ACSL6: variants seen among roughly 807,000 people sequenced by gnomAD.
ACSL6 encodes the protein acyl-CoA synthetase long chain family member 6, also known as long-chain-fatty-acid--CoA ligase 6.
ACSL6 carries 47 observed loss-of-function variants against 98.2 expected under a neutral mutation model. That is an observed-to-expected ratio of 0.48 (90% CI 0.38 to 0.61). ACSL6 has a LOEUF of 0.61. Among genes scored for constraint, ACSL6 ranks in the 20% least tolerant of loss-of-function variants. The probability of loss-of-function intolerance (pLI) is 0.00; values close to 1 mark genes in which losing one functional copy is unlikely to be tolerated. For missense variants in ACSL6, 761 were observed against 913.4 expected, an observed-to-expected ratio of 0.83 and a Z score of 2.15; for synonymous variants, 362 against 336.9, an observed-to-expected ratio of 1.07 and a Z score of -0.82.
At chr5:131,971,976 T>C (rs1753333423) in intron 13 of ACSL6, among the ~76,000 whole-genome samples, 1 of 152,222 alleles carries the variant, frequency 6.6e-6, no homozygotes, top group Non-Finnish European at 1.5e-5. Flanking sequence ...CACTCTCCCA[T>C]CATTGACAAG....
chr5:132,001,203 T>C (rs572566376), intron 1 of ACSL6, among the ~76,000 whole-genome samples: 1 of 152,252 alleles, frequency 6.6e-6, no homozygotes, highest in Non-Finnish European at 1.5e-5. Flanking sequence ...CTGTGGGAAA[T>C]CCCACAGAGT....
intron 10 of ACSL6, chr5:131,976,201 T>A: frequency 1.0e-6 from 1 of 985,480 alleles, no homozygotes; most frequent in Non-Finnish European, 1.2e-6. Context: ...TACAGCCTTA[T>A]AAATTAGCAG....
intron 1 of ACSL6, among the ~76,000 whole-genome samples, chr5:131,998,558 T>C (rs892967724): frequency 6.6e-6 from 1 of 152,152 alleles, no homozygotes; most frequent in Non-Finnish European, 1.5e-5. Flanking sequence ...GCACAGTCAC[T>C]GTGGAACTGG....
chr5:131,990,209 G>A (rs1193240410), intron 3 of ACSL6, 45 bp from the exon 4 acceptor site: 1 of 1,598,428 alleles, frequency 6.3e-7, no homozygotes, highest in Admixed American at 1.7e-5. Context: ...GGGTCAGAGT[G>A]GGTGTGCCAC....
At chr5:131,987,163 G>T (rs1259076866) in intron 7 of ACSL6, among the ~76,000 whole-genome samples, 2 of 152,182 alleles carry the variant, frequency 1.3e-5, no homozygotes, top group East Asian at 1.9e-4. Context: ...GACAGGGAGG[G>T]TGACTAGAGG....
chr5:131,973,520 G>T, intron 11 of ACSL6, 120 bp from the exon 12 acceptor site: 1 of 1,083,648 alleles, frequency 9.2e-7, no homozygotes, highest in Non-Finnish European at 1.3e-6. Flanking sequence ...ACCCAGCTCT[G>T]GCTGCTGCCA....
At chr5:131,971,399 G>C (rs1753298953) in intron 14 of ACSL6, 151 bp downstream of exon 14, 1 of 545,114 alleles carries the variant, frequency 1.8e-6, no homozygotes, top group South Asian at 6.3e-5. Flanking sequence ...GCTTTCACTG[G>C]CTCTGAGTTT....
At chr5:131,994,371 G>A in intron 1 of ACSL6, 120 bp from the exon 2 acceptor site, 1 of 860,978 alleles carries the variant, frequency 1.2e-6, no homozygotes, top group Non-Finnish European at 1.8e-6. Flanking sequence ...CGGGGAGTTG[G>A]GATGTACAGA....
intron 2 of ACSL6, chr5:131,993,512 A>T (rs1341700070): frequency 6.3e-6 from 1 of 158,836 alleles, no homozygotes; most frequent in Non-Finnish European, 1.4e-5. Flanking sequence ...AATAAATTCC[A>T]TAAGCTTAAT....
intron 9 of ACSL6, among the ~76,000 whole-genome samples, chr5:131,981,322 TAAA>T (rs56950797): frequency 1.4e-4 from 13 of 95,276 alleles, no homozygotes; most frequent in African/African-American, 4.5e-4. Context: ...AGTCAACTAT[TAAA>T]AAAAAAAAAA....
Position 131,991,986 on chromosome 5 carries a change from C to T in ACSL6, c.271-1019G>A, listed in dbSNP as rs147425947. On this transcript the variant is annotated intron_variant, in intron 2 of 20. Transcript: ENST00000651883. ...ACACATCCAATCAGACCCAGTTGCACTTGGGCAACAGATATGGTACAAGGA... is the reference window on the plus strand; with the variant it reads ...ACACATCCAATCAGACCCAGTTGCATTTGGGCAACAGATATGGTACAAGGA... Among the ~76,000 whole-genome samples the T allele has an allele frequency of 5.3e-3, 804 of 152,300 alleles. 9 individuals carry two copies. The highest frequency in any genetic ancestry group is 0.019 in the African/African-American group (770 of 41,570).
chr5:131,959,798 G>A (rs1752602873), intron 19 of ACSL6, 191 bp from the exon 20 acceptor site: 1 of 617,026 alleles, frequency 1.6e-6, no homozygotes, highest in Non-Finnish European at 2.9e-6. Flanking sequence ...GTAAGTACCT[G>A]AAATGGCCAA....
intron 3 of ACSL6, 118 bp downstream of exon 3, chr5:131,990,735 T>A: frequency 1.1e-6 from 1 of 891,770 alleles, no homozygotes; most frequent in East Asian, 2.6e-5. Flanking sequence ...TTCTCTCCAC[T>A]GAACCTGGGG....
At position 131,989,414 on chromosome 5, in the gene ACSL6, C is replaced by T. The variant is rs1754381794; in HGVS notation, c.545G>A (p.Arg182Gln). ...DQFIGVFAQN[R>Q]PEWIIVELAC... ...GTCAAGGTAGATGCTCACCTCTGGC[C>T]GATTTTGTGCAAAAACACCAATAAA... Residue 182 changes from arginine (R) to glutamine (Q), a missense_variant, in exon 5 of 21, where the codon CGG (arginine) becomes CAG (glutamine). Physicochemically the swap from Arg to Gln is conservative, Grantham distance 43. Coordinates refer to ENST00000651883, the MANE Select transcript of ACSL6 (RefSeq NM_001009185.3). The T allele has an allele frequency of 1.1e-5, 17 of 1,613,776 alleles. No individual in the cohort carries two copies. The highest frequency in any genetic ancestry group is 2.7e-5 in the African/African-American group (2 of 74,962).
chr5:131,972,848 T>C lies in ACSL6; in HGVS notation c.1214A>G (p.Gln405Arg), dbSNP rs1338959159. 3 of 1,614,242 alleles carry C rather than the reference T, an allele frequency of 1.9e-6. No homozygotes were observed. The highest frequency in any genetic ancestry group is 2.5e-6 in the Non-Finnish European group (3 of 1,180,032). Residue 405 changes from glutamine to arginine, a missense_variant, in exon 13 of 21, where the codon CAG becomes CGG. By Grantham distance (43) the Gln-to-Arg change is conservative. Coordinates refer to ENST00000651883, the MANE Select transcript of ACSL6 (RefSeq NM_001009185.3). ...LNRMYDKIFS[Q>R]ANTPLKRWLL... ...CCAGCGCTTTAATGGTGTGTTTGCC[T>C]GGCTGAAGATCTGAGGAACATAAGT... is the stretch of plus-strand genomic sequence containing the variant.
intron 1 of ACSL6, among the ~76,000 whole-genome samples, chr5:131,999,828 G>A (rs1217344616): frequency 6.6e-6 from 1 of 152,168 alleles, no homozygotes; most frequent in African/African-American, 2.4e-5. Context: ...GCGTGCCAGA[G>A]CCTCAGCTTA....
chr5:131,994,400 C>T (rs1305564558), intron 1 of ACSL6, 149 bp from the exon 2 acceptor site: 6 of 673,564 alleles, frequency 8.9e-6, no homozygotes, highest in African/African-American at 1.8e-5. Flanking sequence ...CAGAAGCTGG[C>T]TACCTAGAAG....
At chr5:132,011,875 G>C (rs1388929257), upstream of ACSL6, 2 of 1,531,058 alleles carry the variant, frequency 1.3e-6, no homozygotes. This position sits in a 1 kb window ranked among gnomAD's most constrained non-coding sequence, Gnocchi z 5.4. Flanking sequence ...GCCGCAGAGC[G>C]AACCAGCCCT....
chr5:132,010,152 T>C (rs1755631049), intron 1 of ACSL6, among the ~76,000 whole-genome samples: 1 of 152,218 alleles, frequency 6.6e-6, no homozygotes, highest in South Asian at 2.1e-4. Flanking sequence ...TCACAGACAC[T>C]GGCAGACAGA....
Sources: allele counts gnomAD v4.1 joint callset (sites outside exome capture counted in the v4.1 genomes callset), GRCh38; gene constraint gnomAD v4.1.1; non-coding constraint Gnocchi (gnomAD v3.1); transcripts MANE v1.5; gene names NCBI Gene and HGNC (gene_info 2026-07-23, HGNC 2026-07-21).